Variants in RANBP17 observed in about 807,000 individuals in gnomAD.
The protein encoded by RANBP17 is RAN binding protein 17, also known as ran-binding protein 17.
In RANBP17, 158 loss-of-function variants were observed where a neutral mutation model predicts 141.2. The observed-to-expected ratio is 1.12, with a 90% CI of 0.98 to 1.28. RANBP17 has a LOEUF of 1.28. Ranked by LOEUF, RANBP17 falls within the 50% of genes most tolerant of loss-of-function variation. The probability of loss-of-function intolerance (pLI) is 0.00; values close to 1 mark genes in which losing one functional copy is unlikely to be tolerated. For missense variants in RANBP17, 1,438 were observed against 1,290.7 expected (o/e 1.11, Z -1.75); for synonymous variants, 430 against 450.0 (o/e 0.96, Z 0.56).
intron 14 of RANBP17, among the ~76,000 whole-genome samples, chr5:171,144,062 C>T (rs1757880296): frequency 6.6e-6 from 1 of 152,098 alleles, no homozygotes; most frequent in Admixed American, 6.6e-5. Flanking sequence ...AGGTTTTACC[C>T]TGTAAGAAAT....
chr5:171,039,739 A>G (rs1782135533), intron 14 of RANBP17, among the ~76,000 whole-genome samples: 1 of 152,200 alleles, frequency 6.6e-6, no homozygotes, highest in Non-Finnish European at 1.5e-5. Context: ...AGAGACTATT[A>G]TGAACACCCC....
chr5:170,967,771 A>AC (rs1319609319), intron 13 of RANBP17, among the ~76,000 whole-genome samples: 2 of 151,714 alleles, frequency 1.3e-5, no homozygotes, highest in Admixed American at 1.3e-4. Flanking sequence ...TGTTAGATGT[A>AC]CCTCTTGATA....
chr5:170,911,061 CT>C lies in RANBP17; in HGVS notation c.689del (p.Phe230SerfsTer49). The C allele has an allele frequency of 6.2e-7, 1 of 1,611,974 alleles. No homozygotes were observed. Among genetic ancestry groups the C allele is most frequent in the East Asian group, 2.2e-5 (1 of 44,792 alleles). ...KLVLNCLNFD[F>X]IGSSADESAD... ...TGGTCCTTAACTGCCTTAACTTTGA[CT>C]TCATTGGCAGTTCAGCAGATGAATC... is the stretch of plus-strand genomic sequence containing the variant. On this transcript the variant is annotated frameshift_variant, in exon 7 of 28. Coordinates refer to ENST00000523189, the MANE Select transcript of RANBP17 (RefSeq NM_022897.5). LOFTEE classifies it high-confidence loss of function.
At chr5:171,139,892 C>G (rs1757575678) in intron 14 of RANBP17, among the ~76,000 whole-genome samples, 1 of 152,156 alleles carries the variant, frequency 6.6e-6, no homozygotes, top group African/African-American at 2.4e-5. Context: ...GTATGTGGCC[C>G]TTACTGGCCT....
chr5:171,057,220 G>C (rs940005919), intron 14 of RANBP17, among the ~76,000 whole-genome samples: 3 of 152,078 alleles, frequency 2.0e-5, no homozygotes, highest in African/African-American at 4.8e-5. Flanking sequence ...TAGCCAATAT[G>C]TTCACACACA....
chr5:171,207,002 T>A (rs1314473871), intron 20 of RANBP17: 2 of 174,916 alleles, frequency 1.1e-5, no homozygotes, highest in Non-Finnish European at 2.5e-5. Flanking sequence ...GCCTTTTTTT[T>A]AATTTTTAAG....
chr5:171,295,927 CCCT>C lies in RANBP17; in HGVS notation c.3086_3088del (p.Leu1029del), dbSNP rs1432802798. 6.2e-7 allele frequency: 1 copy of C among 1,613,656 alleles called. No homozygotes were observed. Among genetic ancestry groups the C allele is most frequent in the Non-Finnish European group, 8.5e-7 (1 of 1,179,800 alleles). On this transcript the variant is annotated inframe_deletion, in exon 27 of 28. Coordinates refer to ENST00000523189, the MANE Select transcript of RANBP17 (RefSeq NM_022897.5). ...AGAGCAAGTTTGATAAACAGCCAGC[CCCT>C]CCCCAAGCAGGAGGTCCTTGCCCAG...
intron 16 of RANBP17, among the ~76,000 whole-genome samples, chr5:171,176,630 AT>A (rs1760501554): frequency 6.6e-6 from 1 of 152,200 alleles, no homozygotes; most frequent in African/African-American, 2.4e-5. Context: ...TTCTGTTTAA[AT>A]TTAACTCAGA....
chr5:171,146,163 TAAGG>T, intron 14 of RANBP17, among the ~76,000 whole-genome samples: 1 of 152,112 alleles, frequency 6.6e-6, no homozygotes, highest in African/African-American at 2.4e-5. Flanking sequence ...AGGTAACAAA[TAAGG>T]ATAAAGACCT....
At chr5:171,290,041 TAGTG>T (rs552704196) in intron 25 of RANBP17, among the ~76,000 whole-genome samples, 1 of 151,158 alleles carries the variant, frequency 6.6e-6, no homozygotes, top group Non-Finnish European at 1.5e-5. Context: ...TCTCAATAAA[TAGTG>T]AGCATTTAGT....
At chr5:171,115,595 G>A (rs576188830) in intron 14 of RANBP17, among the ~76,000 whole-genome samples, 5 of 152,106 alleles carry the variant, frequency 3.3e-5, no homozygotes, top group African/African-American at 4.8e-5. Context: ...TTTTTATGCC[G>A]AATGAACTGA....
chr5:170,887,827 G>A (rs1404342799), intron 3 of RANBP17, among the ~76,000 whole-genome samples: 1 of 151,792 alleles, frequency 6.6e-6, no homozygotes, highest in African/African-American at 2.4e-5. Context: ...TGGTGGGAGG[G>A]CAAAGAGAAG....
chr5:171,062,472 T>G (rs1292199740), intron 14 of RANBP17, among the ~76,000 whole-genome samples: 2 of 152,088 alleles, frequency 1.3e-5, no homozygotes, highest in East Asian at 3.9e-4. Flanking sequence ...TTCTTTAATA[T>G]GGTTGAATAT....
chr5:171,246,821 G>A (rs536296352), intron 24 of RANBP17, among the ~76,000 whole-genome samples: 41 of 152,282 alleles, frequency 2.7e-4, no homozygotes, highest in African/African-American at 8.7e-4. Context: ...GGGCACATGT[G>A]GTGTGCCTGC....
At chr5:171,049,042 C>T (rs565080220) in intron 14 of RANBP17, among the ~76,000 whole-genome samples, 3 of 151,998 alleles carry the variant, frequency 2.0e-5, no homozygotes, top group African/African-American at 4.8e-5. Context: ...TTAAGTTCTT[C>T]GAGAAATCGC....
intron 25 of RANBP17, among the ~76,000 whole-genome samples, chr5:171,289,972 G>A (rs1768385388): frequency 6.6e-6 from 1 of 152,202 alleles, no homozygotes; most frequent in Non-Finnish European, 1.5e-5. Context: ...AGAGGTTGTA[G>A]TGAGCTGAGA....
rs531564733 is a variant in RANBP17 at position 171,229,168 on chromosome 5, A to G, written c.2422+7328A>G. On this transcript the variant is annotated intron_variant, in intron 22 of 27. Transcript: ENST00000523189. ...AATAGATTGTCCAGGAACTATGGAT[A>G]TGGTCTTCGATCTTGTCAGTTGGTT... Among the ~76,000 whole-genome samples the G allele has an allele frequency of 2.0e-5, 3 of 152,366 alleles. No individual in the cohort carries two copies. The South Asian group carries it at 6.2e-4, about 32-fold the overall frequency.
At chr5:170,874,773 C>CT in intron 1 of RANBP17, among the ~76,000 whole-genome samples, 1 of 152,166 alleles carries the variant, frequency 6.6e-6, no homozygotes, top group East Asian at 1.9e-4. Flanking sequence ...GGACTTGACT[C>CT]TTTGTCCAGT....
chr5:171,224,291 TTAAC>T (rs1236596736), intron 22 of RANBP17, among the ~76,000 whole-genome samples: 3 of 152,248 alleles, frequency 2.0e-5, no homozygotes, highest in Non-Finnish European at 4.4e-5. Context: ...CAGTAGAACT[TTAAC>T]TATGCATATG....
Sources: allele counts gnomAD v4.1 joint callset (sites outside exome capture counted in the v4.1 genomes callset), GRCh38; gene constraint gnomAD v4.1.1; transcripts MANE v1.5; gene names NCBI Gene and HGNC (gene_info 2026-07-23, HGNC 2026-07-21).